Variants in BMAL1 observed in about 807,000 individuals in gnomAD.
BMAL1 encodes the protein basic helix-loop-helix ARNT-like protein 1.
At chr11:13,360,379 A>G in the BMAL1 span, 1 of 1,614,016 alleles carries the variant, frequency 6.2e-7, no homozygotes, top group Non-Finnish European at 8.5e-7. Context: ...CAAACTACAA[A>G]CCAACTTTTC....
At chr11:13,383,695 C>CA in the BMAL1 span, among the ~76,000 whole-genome samples, 44,449 of 151,484 alleles carry the variant, frequency 0.29, 6,904 homozygotes, top group East Asian at 0.57. Flanking sequence ...CTAAAAAATA[C>CA]AAAAAAAATT....
At chr11:13,327,116 A>G in the BMAL1 span, among the ~76,000 whole-genome samples, 6 of 151,602 alleles carry the variant, frequency 4.0e-5, no homozygotes, top group South Asian at 2.1e-4. Flanking sequence ...CACTGCGCCC[A>G]GCCCATAGCG....
At chr11:13,286,129 T>A in the BMAL1 span, among the ~76,000 whole-genome samples, 42 of 152,284 alleles carry the variant, frequency 2.8e-4, no homozygotes, top group African/African-American at 9.1e-4. Flanking sequence ...CAAAAGCTAT[T>A]TAGTGGTGAC....
At chr11:13,309,265 A>G in the BMAL1 span, among the ~76,000 whole-genome samples, 2 of 152,098 alleles carry the variant, frequency 1.3e-5, no homozygotes, top group African/African-American at 4.8e-5. Context: ...TTTGGGAACT[A>G]TCAGTCCTGT....
the BMAL1 span, among the ~76,000 whole-genome samples, chr11:13,338,028 G>T: frequency 6.6e-6 from 1 of 152,066 alleles, no homozygotes; most frequent in African/African-American, 2.4e-5. Context: ...TCTGCCAATA[G>T]TTTTTGTGTT....
the BMAL1 span, among the ~76,000 whole-genome samples, chr11:13,328,099 T>G: frequency 6.6e-6 from 1 of 152,192 alleles, no homozygotes; most frequent in Non-Finnish European, 1.5e-5. Flanking sequence ...GGCCTGGCCA[T>G]TTTGATGAGA....
the BMAL1 span, among the ~76,000 whole-genome samples, chr11:13,364,978 TAAAAAC>T: frequency 2.0e-5 from 3 of 151,920 alleles, no homozygotes; most frequent in Non-Finnish European, 4.4e-5. Flanking sequence ...ACCATCAGCA[TAAAAAC>T]AAAAACAAAA....
At chr11:13,357,525 C>T in the BMAL1 span, among the ~76,000 whole-genome samples, 14 of 152,312 alleles carry the variant, frequency 9.2e-5, no homozygotes, top group Admixed American at 7.8e-4. This position sits in a 1 kb window ranked among gnomAD's most constrained non-coding sequence, Gnocchi z 4.8. Flanking sequence ...CTCGGTGTCT[C>T]GAGTAGATTC....
At chr11:13,322,778 CTTTTTTTTTTTTTTTT>C in the BMAL1 span, among the ~76,000 whole-genome samples, 4 of 50,334 alleles carry the variant, frequency 7.9e-5, no homozygotes, top group Admixed American at 2.1e-4. Flanking sequence ...GTGAGCAAGT[CTTTTTTTTTTTTTTTT>C]TTTTTTTTTT....
the BMAL1 span, among the ~76,000 whole-genome samples, chr11:13,295,442 G>A: frequency 3.9e-5 from 6 of 152,094 alleles, no homozygotes; most frequent in East Asian, 1.2e-3. Context: ...GAAGTGGGAG[G>A]GCCAGAGTTG....
chr11:13,371,277 CTGT>C, the BMAL1 span, among the ~76,000 whole-genome samples: 2 of 152,164 alleles, frequency 1.3e-5, no homozygotes, highest in Non-Finnish European at 2.9e-5. Flanking sequence ...CTCTTCTAGT[CTGT>C]TTTCTTTCTT....
At chr11:13,364,585 G>A in the BMAL1 span, among the ~76,000 whole-genome samples, 1 of 152,150 alleles carries the variant, frequency 6.6e-6, no homozygotes, top group African/African-American at 2.4e-5. Flanking sequence ...ATGACAGAGT[G>A]GGGCACACCC....
At chr11:13,344,262 C>T in the BMAL1 span, among the ~76,000 whole-genome samples, 1 of 152,184 alleles carries the variant, frequency 6.6e-6, no homozygotes, top group East Asian at 1.9e-4. Context: ...GCTCTTGTAC[C>T]TTACCTATGC....
At chr11:13,318,546 T>G in the BMAL1 span, among the ~76,000 whole-genome samples, 1 of 2,944 alleles carries the variant, frequency 3.4e-4, no homozygotes, top group African/African-American at 6.5e-4. Context: ...GACACTTAGT[T>G]TTTTTTTTTT....
the BMAL1 span, among the ~76,000 whole-genome samples, chr11:13,347,669 A>G: frequency 2.0e-4 from 25 of 126,834 alleles, no homozygotes; most frequent in African/African-American, 6.0e-4. Context: ...CAACAATGCA[A>G]AGCCTCCTCT....
At chr11:13,332,923 TG>T in the BMAL1 span, among the ~76,000 whole-genome samples, 1 of 151,802 alleles carries the variant, frequency 6.6e-6, no homozygotes. Flanking sequence ...CACTCTATAT[TG>T]TGTGCCCCCA....
the BMAL1 span, among the ~76,000 whole-genome samples, chr11:13,298,663 G>A: frequency 1.3e-5 from 2 of 152,148 alleles, no homozygotes; most frequent in Non-Finnish European, 2.9e-5. Flanking sequence ...GAATGAGTTT[G>A]GATGCACAAA....
At chr11:13,379,773 T>C in the BMAL1 span, 1 of 152,142 alleles carries the variant, frequency 6.6e-6, no homozygotes, top group Admixed American at 6.5e-5. Context: ...AGTGGCAAAT[T>C]CAGGGTCAAG....
At chr11:13,366,077 C>T in the BMAL1 span, among the ~76,000 whole-genome samples, 5 of 152,310 alleles carry the variant, frequency 3.3e-5, no homozygotes, top group South Asian at 1.0e-3. Flanking sequence ...GAACTTTTCA[C>T]CTATTATGTC....
Sources: allele counts gnomAD v4.1 joint callset (sites outside exome capture counted in the v4.1 genomes callset), GRCh38; gene constraint gnomAD v4.1.1; non-coding constraint Gnocchi (gnomAD v3.1); transcripts MANE v1.5; gene names NCBI Gene and HGNC (gene_info 2026-07-23, HGNC 2026-07-21).